The following PRKG1 variants were observed in gnomAD, a reference collection of about 807,000 sequenced individuals.
PRKG1 encodes the protein protein kinase cGMP-dependent 1.
A neutral mutation model predicts 88.1 loss-of-function variants in PRKG1; 35 were observed. The ratio of observed to expected loss-of-function variants is 0.40; its 90% CI spans 0.30 to 0.53. The LOEUF is 0.53. Among genes scored for constraint, PRKG1 ranks in the 20% least tolerant of loss-of-function variants. The pLI is 0.59. For synonymous variants in PRKG1, 303 were observed against 292.5 expected, an observed-to-expected ratio of 1.04 and a Z score of -0.37; for missense variants, 540 against 839.8, an observed-to-expected ratio of 0.64 and a Z score of 4.41.
intron 2 of PRKG1, among the ~76,000 whole-genome samples, chr10:51,361,939 A>G (rs1290084764): frequency 6.6e-6 from 1 of 151,884 alleles, no homozygotes; most frequent in East Asian, 1.9e-4. Context: ...ACATAGCATT[A>G]TTTAGAAATC....
At chr10:51,373,207 T>C (rs1180885247) in intron 2 of PRKG1, among the ~76,000 whole-genome samples, 1 of 152,222 alleles carries the variant, frequency 6.6e-6, no homozygotes, top group African/African-American at 2.4e-5. Flanking sequence ...ATGTTATCTA[T>C]TTCTGTATAA....
At chr10:51,712,811 G>C (rs765680706) in intron 3 of PRKG1, among the ~76,000 whole-genome samples, 3 of 151,658 alleles carry the variant, frequency 2.0e-5, no homozygotes, top group Admixed American at 6.6e-5. Flanking sequence ...GGATGGTCTC[G>C]ATCTCCTGAC....
intron 3 of PRKG1, among the ~76,000 whole-genome samples, chr10:51,478,274 A>G (rs1588998269): frequency 6.6e-6 from 1 of 152,150 alleles, no homozygotes; most frequent in East Asian, 1.9e-4. Flanking sequence ...TGACAAAAGT[A>G]GATTGTATCT....
intron 1 of PRKG1, among the ~76,000 whole-genome samples, chr10:51,028,033 A>G (rs2132742650): frequency 6.6e-6 from 1 of 152,304 alleles, no homozygotes; most frequent in Admixed American, 6.5e-5. Context: ...TGAGACAATC[A>G]AAGTGAAAGA....
intron 3 of PRKG1, among the ~76,000 whole-genome samples, chr10:51,598,369 G>C (rs1473320669): frequency 2.0e-5 from 3 of 152,164 alleles, no homozygotes; most frequent in Non-Finnish European, 4.4e-5. Flanking sequence ...CGCCTCCCAA[G>C]TTCAAGAGAT....
At chr10:51,858,659 GTTTA>G (rs1055351030) in intron 4 of PRKG1, among the ~76,000 whole-genome samples, 1 of 150,766 alleles carries the variant, frequency 6.6e-6, no homozygotes, top group African/African-American at 2.4e-5. Context: ...GTACCTGTGC[GTTTA>G]TTAGCAAACA....
intron 4 of PRKG1, among the ~76,000 whole-genome samples, chr10:51,809,172 A>G (rs1054538847): frequency 6.6e-6 from 1 of 152,072 alleles, no homozygotes; most frequent in African/African-American, 2.4e-5. Flanking sequence ...CCTCTTTGCT[A>G]TTAGATGCCA....
At chr10:52,150,411 T>G (rs1483346073) in intron 8 of PRKG1, among the ~76,000 whole-genome samples, 1 of 152,044 alleles carries the variant, frequency 6.6e-6, no homozygotes, top group Non-Finnish European at 1.5e-5. Flanking sequence ...CTTAATTTTC[T>G]TAGCCTTGAT....
intron 12 of PRKG1, among the ~76,000 whole-genome samples, chr10:52,278,695 A>G (rs775263921): frequency 7.2e-5 from 11 of 152,104 alleles, no homozygotes; most frequent in Non-Finnish European, 1.5e-4. Context: ...TGGGAGGCCA[A>G]GGCAGGTGGA....
intron 8 of PRKG1, among the ~76,000 whole-genome samples, chr10:52,138,827 T>G (rs879680001): frequency 3.9e-5 from 6 of 152,086 alleles, no homozygotes; most frequent in Non-Finnish European, 8.8e-5. Flanking sequence ...GGTTACCATG[T>G]TTCAAGTTTT....
chr10:51,933,570 T>A (rs749884014), intron 5 of PRKG1, among the ~76,000 whole-genome samples: 7 of 152,178 alleles, frequency 4.6e-5, no homozygotes, highest in Non-Finnish European at 1.0e-4. Context: ...AAATCCAGAT[T>A]TTTATGTGAA....
chr10:51,438,199 C>A (rs1174061305), intron 2 of PRKG1, among the ~76,000 whole-genome samples: 3 of 148,580 alleles, frequency 2.0e-5, no homozygotes, highest in African/African-American at 4.9e-5. Flanking sequence ...TTAGACTTAC[C>A]AAAAAAAAAA....
In PRKG1 at chr10:51,376,304, T is replaced by G. The variant is rs74131623; in HGVS notation, c.479-91419T>G. 2.1e-3 allele frequency among the ~76,000 whole-genome samples: 316 copies of G among 152,370 alleles called. 1 individual carries two copies. The highest frequency in any genetic ancestry group is 7.4e-3 in the African/African-American group (308 of 41,598). ...GCTTACATTTTTTACAGTTTATACA[T>G]AGTTCCAATCACAATACAGTTGTGT... On this transcript the variant is annotated intron_variant, in intron 2 of 17. Coordinates refer to ENST00000373980, the MANE Select transcript of PRKG1 (RefSeq NM_006258.4).
intron 6 of PRKG1, among the ~76,000 whole-genome samples, chr10:52,056,057 C>T (rs921366567): frequency 6.6e-6 from 1 of 151,986 alleles, no homozygotes; most frequent in Non-Finnish European, 1.5e-5. Flanking sequence ...TCTCTGAATG[C>T]CTGGGATAGA....
chr10:51,664,898 G>A (rs1004113552), intron 3 of PRKG1, among the ~76,000 whole-genome samples: 3 of 152,070 alleles, frequency 2.0e-5, no homozygotes, highest in African/African-American at 7.2e-5. Context: ...AATCAGCAAC[G>A]GCTTGGGGAT....
intron 7 of PRKG1, among the ~76,000 whole-genome samples, chr10:52,097,056 A>T: frequency 6.6e-6 from 1 of 152,110 alleles, no homozygotes; most frequent in East Asian, 1.9e-4. Context: ...GATTAAATAA[A>T]ATTGTCAAGT....
chr10:52,114,342 A>G (rs560691446), intron 7 of PRKG1, among the ~76,000 whole-genome samples: 363 of 152,144 alleles, frequency 2.4e-3, no homozygotes, highest in Admixed American at 3.9e-3. Flanking sequence ...TTGAGCTTCA[A>G]TTTCTTCGTC....
intron 9 of PRKG1, among the ~76,000 whole-genome samples, chr10:52,171,638 A>G (rs891147664): frequency 2.6e-5 from 4 of 152,088 alleles, no homozygotes; most frequent in South Asian, 2.1e-4. Context: ...ATAGATTAAT[A>G]CTTCAGCAGG....
At chr10:51,205,280 C>CA (rs1420108813) in intron 2 of PRKG1, among the ~76,000 whole-genome samples, 1 of 149,394 alleles carries the variant, frequency 6.7e-6, no homozygotes, top group Non-Finnish European at 1.5e-5. Context: ...GCTGAGACCA[C>CA]AGGCACTGCC....
Sources: gnomAD v4.1 joint callset for allele counts (sites outside exome capture counted in the v4.1 genomes callset) on GRCh38, gnomAD v4.1.1 for gene constraint, MANE v1.5 for transcripts, NCBI Gene and HGNC (gene_info 2026-07-23, HGNC 2026-07-21) for gene names.